The following FAM47E variants were observed in gnomAD, a reference collection of about 807,000 sequenced individuals.
FAM47E encodes family with sequence similarity 47 member E.
FAM47E carries 32 observed loss-of-function variants against 41.6 expected under a neutral mutation model. The observed-to-expected ratio is 0.77, with a 90% CI of 0.58 to 1.03. FAM47E has a LOEUF of 1.03. FAM47E is among the 50% of genes least tolerant of loss of function. FAM47E has a pLI of 0.00. For synonymous variants in FAM47E, 184 were observed against 188.7 expected (o/e 0.98, Z 0.20); for missense variants, 424 against 485.4 (o/e 0.87, Z 1.19).
Position 76,269,649 on chromosome 4 carries a change from A to C in FAM47E, c.669+881A>C, listed in dbSNP as rs1312357510. On this transcript the variant is annotated intron_variant, in intron 4 of 7. Transcript: ENST00000424749. The stretch of plus-strand genomic sequence containing the variant: ...ATAAATAAATAAATAAATAAAAATT[A>C]GCTGGGCATGATGGTGTGCCCCTTC... 3 of 124,370 alleles carry C rather than the reference A, an allele frequency of 2.4e-5. No individual in the cohort carries two copies. In the Admixed American group the frequency reaches 2.5e-4, roughly 10 times the overall value. The allele number at this position is 124,370 out of a possible 1,614,324, so 7.7% of individuals were successfully genotyped here.
chr4:76,219,575 A>G (rs1055389965), intron 2 of FAM47E, among the ~76,000 whole-genome samples: 1 of 152,204 alleles, frequency 6.6e-6, no homozygotes, highest in African/African-American at 2.4e-5. Context: ...GAGAAGCTGT[A>G]TAAACGAGAA....
At chr4:76,251,563 C>T (rs75886691), upstream of FAM47E, 49,452 of 1,222,486 alleles carry the variant, frequency 0.04, 1,148 homozygotes, top group Non-Finnish European at 0.046. Flanking sequence ...CTCTCCCTTC[C>T]CTCGGCCAGG....
chr4:76,220,778 A>T, intron 2 of FAM47E, among the ~76,000 whole-genome samples: 1 of 152,212 alleles, frequency 6.6e-6, no homozygotes, highest in East Asian at 1.9e-4. Flanking sequence ...AAGTTCTGGC[A>T]GTTTTTTACC....
intron 6 of FAM47E, 89 bp from the exon 7 acceptor site, chr4:76,280,175 A>T: frequency 1.3e-6 from 1 of 765,096 alleles, no homozygotes; most frequent in South Asian, 1.8e-5. Flanking sequence ...GAGATACTTT[A>T]TAAGGAACTA....
At chr4:76,251,327 G>C (rs972383937), upstream of FAM47E, among the ~76,000 whole-genome samples, 5 of 152,142 alleles carry the variant, frequency 3.3e-5, no homozygotes, top group African/African-American at 1.2e-4. Context: ...CTGCTAAAAG[G>C]CTTTCCCAAC....
At chr4:76,263,016 G>A (rs572923161) in intron 2 of FAM47E, among the ~76,000 whole-genome samples, 28 of 152,056 alleles carry the variant, frequency 1.8e-4, no homozygotes, top group African/African-American at 3.1e-4. Flanking sequence ...ATCTTCCTGC[G>A]TAAGCTTCCC....
Position 76,251,757 on chromosome 4 carries a change from G to A in FAM47E, c.11G>A (p.Arg4His). 2 of 1,484,966 alleles carry A rather than the reference G, an allele frequency of 1.3e-6. No homozygotes were observed. The highest frequency in any genetic ancestry group is 8.9e-7 in the Non-Finnish European group (1 of 1,123,716). The allele number at this position is 1,484,966 out of a possible 1,614,324, so 92.0% of individuals were successfully genotyped here. The change falls in exon 1 of 8, where the codon CGC (arginine) becomes CAC (histidine). Residue 4 changes from arginine (R) to histidine (H), a missense_variant. Arg to His is a conservative substitution (Grantham distance 29). Transcript: ENST00000424749. ...GAAGCTAGGGCCACCATGGCGGACC[G>A]CAGGCGGCGGCTCCGGCCGGGGACG... MADRRRRLRPGTLA... is the reference protein window; with the variant it reads MADHRRRLRPGTLA...
chr4:76,234,689 C>T (rs1265910633), intron 2 of FAM47E, among the ~76,000 whole-genome samples: 1 of 152,166 alleles, frequency 6.6e-6, no homozygotes, highest in Admixed American at 6.5e-5. Context: ...TTGAGAGGAT[C>T]ACTTAAAGCC....
rs10031389 is a variant in FAM47E at position 76,239,609 on chromosome 4, T to C, written c.81+21921T>C. Among the ~76,000 whole-genome samples, 700 of 152,332 alleles carry C rather than the reference T, an allele frequency of 4.6e-3. 4 individuals are homozygous for C. The highest frequency in any genetic ancestry group is 0.016 in the African/African-American group (659 of 41,586). On this transcript the variant is annotated intron_variant, in intron 2 of 7. Transcript: ENST00000510197. Reference sequence around the variant, plus strand: ...TGTTGTTGTTGAGTTTTAGGAGTTTTCTCTATATTCTGGATATTAATCCCT... The same window carrying C: ...TGTTGTTGTTGAGTTTTAGGAGTTTCCTCTATATTCTGGATATTAATCCCT...
chr4:76,230,522 T>G (rs576770210), intron 2 of FAM47E, among the ~76,000 whole-genome samples: 2 of 152,334 alleles, frequency 1.3e-5, no homozygotes, highest in South Asian at 4.1e-4. Flanking sequence ...CTCCTGTGCT[T>G]CTTTCTGCAG....
rs1735201236 is a variant in FAM47E, at chr4:76,278,053, A to G, written c.871-16A>G. ...CAAAAAATCAATGGCACTGGGAATT[A>G]TGTTACTTTCCACAGAATCCTTATA... On this transcript the variant is annotated splice_polypyrimidine_tract_variant and intron_variant, in intron 5 of 7. Transcript: ENST00000424749. 3.4e-6 allele frequency: 5 copies of G among 1,473,516 alleles called. No homozygotes were observed. The highest frequency in any genetic ancestry group is 4.5e-6 in the Non-Finnish European group (5 of 1,114,530). The allele number at this position is 1,473,516 out of a possible 1,614,324, so 91.3% of individuals were successfully genotyped here. A position where few individuals can be genotyped will look rare whatever the true frequency, so the allele number is the denominator to read the frequency against.
intron 5 of FAM47E, among the ~76,000 whole-genome samples, chr4:76,274,209 T>A (rs1735007093): frequency 6.6e-6 from 1 of 152,218 alleles, no homozygotes; most frequent in South Asian, 2.1e-4. Context: ...TTCCTATAAA[T>A]ATTCTTGAAC....
At chr4:76,278,333 G>T in intron 6 of FAM47E, 109 bp downstream of exon 6, 2 of 1,205,628 alleles carry the variant, frequency 1.7e-6, no homozygotes, top group Non-Finnish European at 2.1e-6. Flanking sequence ...GCTCCTGAAA[G>T]CCCTCCACCT....
At chr4:76,244,586 G>A (rs889305135) in intron 2 of FAM47E, among the ~76,000 whole-genome samples, 2 of 140,958 alleles carry the variant, frequency 1.4e-5, no homozygotes, top group Non-Finnish European at 3.0e-5. Flanking sequence ...TGTTGCCCAG[G>A]CTGGAGTGCA....
chr4:76,273,113 C>A (rs892867339), intron 5 of FAM47E, among the ~76,000 whole-genome samples: 4 of 152,086 alleles, frequency 2.6e-5, no homozygotes, highest in Admixed American at 6.5e-5. Context: ...ATATATACTG[C>A]GTTTTTTGAT....
At chr4:76,221,589 G>A (rs1733308241) in intron 2 of FAM47E, among the ~76,000 whole-genome samples, 1 of 151,986 alleles carries the variant, frequency 6.6e-6, no homozygotes, top group African/African-American at 2.4e-5. Context: ...TAAAGTGCTG[G>A]GATTACAGGC....
At chr4:76,249,692 G>A (rs1036902482), upstream of FAM47E, among the ~76,000 whole-genome samples, 17 of 151,646 alleles carry the variant, frequency 1.1e-4, no homozygotes, top group Admixed American at 3.3e-4. Context: ...TCTTGTCCCC[G>A]TCCTATCCTT....
chr4:76,267,265 C>T (rs17001729), intron 3 of FAM47E, among the ~76,000 whole-genome samples: 1 of 152,028 alleles, frequency 6.6e-6, no homozygotes, highest in South Asian at 2.1e-4. Context: ...TAAAGAGTAG[C>T]TTCAGGGGAC....
intron 3 of FAM47E, among the ~76,000 whole-genome samples, chr4:76,266,618 A>G (rs974935149): frequency 5.3e-5 from 8 of 152,080 alleles, no homozygotes; most frequent in Admixed American, 3.9e-4. Context: ...TCTCAAGTCT[A>G]TTTGTCACAC....
Sources: gnomAD v4.1 joint callset for allele counts (sites outside exome capture counted in the v4.1 genomes callset) on GRCh38, gnomAD v4.1.1 for gene constraint, MANE v1.5 for transcripts, NCBI Gene and HGNC (gene_info 2026-07-23, HGNC 2026-07-21) for gene names.